The following METAP1D variants were observed in gnomAD, a reference collection of about 807,000 sequenced individuals.
METAP1D encodes methionyl aminopeptidase type 1D, mitochondrial, also known as methionine aminopeptidase 1D, mitochondrial.
METAP1D carries 31 observed loss-of-function variants against 40.5 expected under a neutral mutation model. The observed-to-expected ratio is 0.77, with a 90% CI of 0.58 to 1.03. The LOEUF (loss-of-function observed/expected upper bound fraction) is 1.03, where lower values mean the gene tolerates loss of function less well. Among genes scored for constraint, METAP1D ranks in the 50% least tolerant of loss-of-function variants. The pLI, the probability that METAP1D is intolerant of heterozygous loss-of-function variation, is 0.00. For missense variants in METAP1D, 411 were observed against 420.7 expected (o/e 0.98, Z 0.20); for synonymous variants, 151 against 146.4 (o/e 1.03, Z -0.22).
At chr2:172,041,184 G>T (rs1574114275) in intron 1 of METAP1D, among the ~76,000 whole-genome samples, 1 of 152,200 alleles carries the variant, frequency 6.6e-6, no homozygotes, top group East Asian at 1.9e-4. Context: ...CTTAAGGCTG[G>T]ATGCGGTGGC....
At position 172,043,678 on chromosome 2, in the gene METAP1D, G is replaced by T. The variant is rs767732223; in HGVS notation, c.41-17820G>T. Among the ~76,000 whole-genome samples the T allele has an allele frequency of 3.0e-5, 4 of 133,964 alleles. 1 individual carries two copies. Among genetic ancestry groups the T allele is most frequent in the Non-Finnish European group, 7.0e-5 (4 of 57,500 alleles). The allele number at this position is 133,964 out of a possible 152,430, so 87.9% of individuals were successfully genotyped here. A position where few individuals can be genotyped will look rare whatever the true frequency, so the allele number is the denominator to read the frequency against. On this transcript the variant is annotated intron_variant, in intron 1 of 9. Transcript: ENST00000315796. ...AACCAAGGAGTTAAAAAAAACCAAG[G>T]ATAGACAAATAACAAGAAATGTACA...
At chr2:172,036,748 A>C (rs1574110172) in intron 1 of METAP1D, among the ~76,000 whole-genome samples, 4 of 152,182 alleles carry the variant, frequency 2.6e-5, no homozygotes, top group Admixed American at 1.3e-4. Flanking sequence ...GTGTATACCT[A>C]GGATTGAATT....
chr2:172,048,866 G>A (rs1689820433), intron 1 of METAP1D, among the ~76,000 whole-genome samples: 1 of 152,104 alleles, frequency 6.6e-6, no homozygotes, highest in Admixed American at 6.6e-5. Context: ...TGTTGGCTAA[G>A]GTTTTCAAGT....
intron 1 of METAP1D, among the ~76,000 whole-genome samples, chr2:172,011,597 T>C (rs1384912162): frequency 2.0e-5 from 3 of 152,198 alleles, no homozygotes; most frequent in Admixed American, 6.5e-5. Flanking sequence ...TCTTTCTGTT[T>C]CTATAGATTT....
At chr2:172,035,016 A>G (rs868371210) in intron 1 of METAP1D, among the ~76,000 whole-genome samples, 2 of 137,922 alleles carry the variant, frequency 1.5e-5, no homozygotes, top group African/African-American at 2.7e-5. Flanking sequence ...TTTATTTTCT[A>G]ATTCTGGCCT....
intron 1 of METAP1D, among the ~76,000 whole-genome samples, chr2:172,002,962 G>C (rs1688498477): frequency 6.6e-6 from 1 of 152,078 alleles, no homozygotes; most frequent in Non-Finnish European, 1.5e-5. Context: ...TAGTTACCTA[G>C]CTCCTCTCAC....
intron 1 of METAP1D, among the ~76,000 whole-genome samples, chr2:172,051,618 G>A (rs1689885292): frequency 6.6e-6 from 1 of 152,096 alleles, no homozygotes; most frequent in African/African-American, 2.4e-5. Context: ...GCAGTGACCT[G>A]GGCACCACTC....
At chr2:172,066,046 T>G (rs1659144490) in intron 4 of METAP1D, among the ~76,000 whole-genome samples, 1 of 152,332 alleles carries the variant, frequency 6.6e-6, no homozygotes, top group Admixed American at 6.5e-5. Flanking sequence ...CAAATTTTTC[T>G]TATCAACTCT....
chr2:172,040,470 A>G (rs1243534697), intron 1 of METAP1D, among the ~76,000 whole-genome samples: 1 of 152,190 alleles, frequency 6.6e-6, no homozygotes, highest in East Asian at 1.9e-4. Context: ...TGTGGAGGAA[A>G]CTACATCAGG....
intron 1 of METAP1D, among the ~76,000 whole-genome samples, chr2:172,038,127 TGG>T: frequency 6.6e-6 from 1 of 152,228 alleles, no homozygotes; most frequent in African/African-American, 2.4e-5. Context: ...TCCAAAAATG[TGG>T]AATATGTTAT....
chr2:172,056,845 C>G (rs910733335), intron 1 of METAP1D, among the ~76,000 whole-genome samples: 3 of 152,194 alleles, frequency 2.0e-5, no homozygotes, highest in African/African-American at 7.2e-5. Context: ...CCTGTTTGAC[C>G]TCCAAGCTCA....
chr2:172,005,885 T>A (rs955636396), intron 1 of METAP1D, among the ~76,000 whole-genome samples: 2 of 152,042 alleles, frequency 1.3e-5, no homozygotes, highest in Admixed American at 1.3e-4. Flanking sequence ...CTTTCTGTAC[T>A]ACAAATAGTT....
intron 1 of METAP1D, among the ~76,000 whole-genome samples, chr2:172,002,217 AAAC>A (rs1239359582): frequency 3.3e-5 from 5 of 152,044 alleles, no homozygotes; most frequent in South Asian, 2.1e-4. Flanking sequence ...GCCAAAAAAA[AAAC>A]AACCTGAAAA....
chr2:172,080,419 A>C lies in METAP1D; in HGVS notation c.*13A>C. ...CCATGAGGCCTGAGGAGCCGCCCGA[A>C]GGTCGCGGTGACCTGGTGCCTTTTT... On this transcript the variant is annotated 3_prime_UTR_variant, in exon 10 of 10. Coordinates refer to ENST00000315796, the MANE Select transcript of METAP1D (RefSeq NM_199227.3). 1.2e-6 allele frequency: 2 copies of C among 1,613,724 alleles called. No individual in the cohort carries two copies. Among genetic ancestry groups the C allele is most frequent in the Non-Finnish European group, 1.7e-6 (2 of 1,179,670 alleles).
chr2:172,054,143 G>A (rs1018338043), intron 1 of METAP1D, among the ~76,000 whole-genome samples: 9 of 152,144 alleles, frequency 5.9e-5, no homozygotes, highest in African/African-American at 2.2e-4. Context: ...TAGGATGCAT[G>A]AGCAGATAAC....
chr2:172,050,988 C>CT (rs1385591262), intron 1 of METAP1D, among the ~76,000 whole-genome samples: 2 of 152,184 alleles, frequency 1.3e-5, no homozygotes, highest in African/African-American at 2.4e-5. Flanking sequence ...TAAAAAGCTG[C>CT]TTTTCTCTAA....
chr2:172,037,265 G>GAA (rs34817409), intron 1 of METAP1D, among the ~76,000 whole-genome samples: 48 of 149,142 alleles, frequency 3.2e-4, no homozygotes, highest in South Asian at 6.3e-4. Flanking sequence ...TCCATCTCAA[G>GAA]AAAAAAAAAA....
At chr2:172,075,088 G>A (rs961221105) in intron 6 of METAP1D, among the ~76,000 whole-genome samples, 1 of 152,138 alleles carries the variant, frequency 6.6e-6, no homozygotes, top group Non-Finnish European at 1.5e-5. Flanking sequence ...CTTAAAAGAG[G>A]TATCTTTTTC....
At chr2:172,029,333 G>A (rs1343098859) in intron 1 of METAP1D, among the ~76,000 whole-genome samples, 1 of 152,344 alleles carries the variant, frequency 6.6e-6, no homozygotes, top group Non-Finnish European at 1.5e-5. Context: ...TGAGGTGGGA[G>A]AATTGCTTGA....
Sources: gnomAD v4.1 joint callset for allele counts (sites outside exome capture counted in the v4.1 genomes callset) on GRCh38, gnomAD v4.1.1 for gene constraint, MANE v1.5 for transcripts, NCBI Gene and HGNC (gene_info 2026-07-23, HGNC 2026-07-21) for gene names.